The following PXDNL variants were observed in gnomAD, a reference collection of about 807,000 sequenced individuals.
PXDNL encodes peroxidasin like.
PXDNL carries 145 observed loss-of-function variants against 150.8 expected under a neutral mutation model. The observed-to-expected ratio is 0.96, with a 90% CI of 0.84 to 1.10. The LOEUF (loss-of-function observed/expected upper bound fraction) is 1.10. Among genes scored for constraint, PXDNL ranks in the 50% least tolerant of loss-of-function variants. The pLI is 0.00. For synonymous variants in PXDNL, 757 were observed against 725.7 expected, an observed-to-expected ratio of 1.04 and a Z score of -0.69; for missense variants, 2,087 against 1,873.9, an observed-to-expected ratio of 1.11 and a Z score of -2.10.
intron 6 of PXDNL, among the ~76,000 whole-genome samples, chr8:51,476,856 A>G (rs943237675): frequency 6.6e-6 from 1 of 152,244 alleles, no homozygotes; most frequent in Non-Finnish European, 1.5e-5. Context: ...GTCCAATGTG[A>G]CTGGAGGAGA....
chr8:51,568,253 C>T (rs1812865976), intron 3 of PXDNL, among the ~76,000 whole-genome samples: 1 of 151,786 alleles, frequency 6.6e-6, no homozygotes, highest in Non-Finnish European at 1.5e-5. Context: ...TACATCATTT[C>T]CCTTCTCTTT....
chr8:51,806,233 A>G (rs1304810457), intron 1 of PXDNL, among the ~76,000 whole-genome samples: 1 of 152,260 alleles, frequency 6.6e-6, no homozygotes, highest in African/African-American at 2.4e-5. Flanking sequence ...AAAATTTTAA[A>G]ACATGTAAAA....
chr8:51,725,937 A>T (rs1435034303), intron 1 of PXDNL, among the ~76,000 whole-genome samples: 1 of 152,226 alleles, frequency 6.6e-6, no homozygotes, highest in Non-Finnish European at 1.5e-5. Flanking sequence ...TTTCAACAAC[A>T]TTGGCCTCTA....
intron 20 of PXDNL, among the ~76,000 whole-genome samples, chr8:51,342,624 G>C (rs1237554177): frequency 5.3e-5 from 8 of 152,096 alleles, no homozygotes; most frequent in Non-Finnish European, 1.0e-4. Context: ...CCTCTGCCTG[G>C]GAGCAGAGCA....
chr8:51,608,045 G>GC (rs1813891524), intron 2 of PXDNL, among the ~76,000 whole-genome samples: 7 of 118,790 alleles, frequency 5.9e-5, no homozygotes, highest in African/African-American at 2.3e-4. Flanking sequence ...AAGAAAGAAA[G>GC]AAAGAAAGAA....
At chr8:51,644,950 C>T (rs951228731) in intron 2 of PXDNL, among the ~76,000 whole-genome samples, 1 of 151,734 alleles carries the variant, frequency 6.6e-6, no homozygotes, top group Non-Finnish European at 1.5e-5. Flanking sequence ...GAAACAGAAC[C>T]AATAGGAAAT....
chr8:51,400,053 T>G (rs971271967), intron 17 of PXDNL, among the ~76,000 whole-genome samples: 2 of 152,194 alleles, frequency 1.3e-5, no homozygotes, highest in Admixed American at 1.3e-4. Context: ...AAAAGCAGAT[T>G]CTAAAAGTGA....
intron 14 of PXDNL, among the ~76,000 whole-genome samples, chr8:51,414,944 A>T (rs1808755682): frequency 6.6e-6 from 1 of 152,236 alleles, no homozygotes; most frequent in South Asian, 2.1e-4. Flanking sequence ...AAAAATAAAA[A>T]GCTGATTAAA....
chr8:51,476,931 A>T (rs1810491989), intron 6 of PXDNL, among the ~76,000 whole-genome samples: 1 of 152,234 alleles, frequency 6.6e-6, no homozygotes, highest in South Asian at 2.1e-4. Flanking sequence ...AGTCCTTACA[A>T]ACATGGAAAA....
intron 1 of PXDNL, among the ~76,000 whole-genome samples, chr8:51,670,715 C>T (rs1815481556): frequency 6.6e-6 from 1 of 152,098 alleles, no homozygotes; most frequent in Non-Finnish European, 1.5e-5. Context: ...AGAAAGATCA[C>T]TAGATTTTAC....
At chr8:51,514,311 T>C (rs749212513) in intron 4 of PXDNL, among the ~76,000 whole-genome samples, 3 of 152,214 alleles carry the variant, frequency 2.0e-5, no homozygotes, top group Non-Finnish European at 2.9e-5. Flanking sequence ...AAAAAGACTA[T>C]ATTGTTTCAG....
intron 1 of PXDNL, among the ~76,000 whole-genome samples, chr8:51,750,740 G>A (rs1057438691): frequency 2.0e-5 from 3 of 152,160 alleles, no homozygotes; most frequent in Non-Finnish European, 4.4e-5. Flanking sequence ...CTTCAAGCCA[G>A]ATATTGTTAA....
At chr8:51,703,311 T>A (rs142493368) in intron 1 of PXDNL, among the ~76,000 whole-genome samples, 1,680 of 151,212 alleles carry the variant, frequency 0.011, 14 homozygotes, top group Non-Finnish European at 0.017. Context: ...AAAAAGATAG[T>A]GGCATTTCTT....
intron 3 of PXDNL, among the ~76,000 whole-genome samples, chr8:51,561,018 G>T (rs1380655392): frequency 6.6e-6 from 1 of 151,360 alleles, no homozygotes; most frequent in African/African-American, 2.4e-5. Flanking sequence ...TGACCAACAA[G>T]AATTCACTAA....
chr8:51,429,356 G>C (rs564454539), intron 12 of PXDNL, among the ~76,000 whole-genome samples: 2 of 152,146 alleles, frequency 1.3e-5, no homozygotes, highest in Admixed American at 6.5e-5. Context: ...GAGGTTGACG[G>C]ATCACCTGAG....
chr8:51,787,982 C>T (rs1048383149), intron 1 of PXDNL, among the ~76,000 whole-genome samples: 2 of 152,216 alleles, frequency 1.3e-5, no homozygotes, highest in African/African-American at 4.8e-5. Context: ...AGAAAAAAAG[C>T]TTACAACTTG....
At chr8:51,583,042 A>G (rs1415587003) in intron 3 of PXDNL, among the ~76,000 whole-genome samples, 1 of 152,222 alleles carries the variant, frequency 6.6e-6, no homozygotes, top group African/African-American at 2.4e-5. Flanking sequence ...AGTATATAAT[A>G]TTCAATTATT....
chr8:51,656,531 A>G (rs990325913), intron 1 of PXDNL, among the ~76,000 whole-genome samples: 1 of 152,190 alleles, frequency 6.6e-6, no homozygotes, highest in East Asian at 1.9e-4. Context: ...GAAGCTAAAA[A>G]TTAACAGTTA....
intron 1 of PXDNL, among the ~76,000 whole-genome samples, chr8:51,705,696 A>G (rs890315522): frequency 2.6e-5 from 4 of 152,236 alleles, no homozygotes; most frequent in African/African-American, 9.6e-5. Context: ...TAAAGGAGTG[A>G]GCGTGTTTAT....
Sources: gnomAD v4.1 joint callset for allele counts (sites outside exome capture counted in the v4.1 genomes callset) on GRCh38, gnomAD v4.1.1 for gene constraint, MANE v1.5 for transcripts, NCBI Gene and HGNC (gene_info 2026-07-23, HGNC 2026-07-21) for gene names.